Variants in SRD5A3 observed in about 807,000 individuals in gnomAD.
SRD5A3 encodes the protein polyprenal reductase.
SRD5A3 carries 24 observed loss-of-function variants against 34.3 expected under a neutral mutation model. The ratio of observed to expected loss-of-function variants is 0.70; its 90% CI spans 0.51 to 0.99. SRD5A3 has a LOEUF of 0.99. Among genes scored for constraint, SRD5A3 ranks in the 50% least tolerant of loss-of-function variants. SRD5A3 has a pLI of 0.00. For synonymous variants in SRD5A3, 161 were observed against 167.3 expected (o/e 0.96, Z 0.29); for missense variants, 350 against 388.2 (o/e 0.90, Z 0.83).
chr4:55,346,471 C>T lies in SRD5A3; in HGVS notation c.135C>T (p.Ile45=), dbSNP rs759046094. 1.9e-6 allele frequency: 3 copies of T among 1,607,248 alleles called. No homozygotes were observed. Among genetic ancestry groups the T allele is most frequent in the Non-Finnish European group, 2.5e-6 (3 of 1,177,412 alleles). ...CCGGCCTGCTCCCGGGCTGCGCGAT[C>T]TTCCAGGACCTGATCCGCTATGGGA... The part of the protein sequence containing the change: ...LPPGLLPGCA[I]FQDLIRYGKT... The change falls in exon 1 of 5, where the codon ATC becomes ATT. Residue 45 remains isoleucine, a synonymous_variant. Coordinates refer to ENST00000264228, the MANE Select transcript of SRD5A3 (RefSeq NM_024592.5).
intron 2 of SRD5A3, among the ~76,000 whole-genome samples, chr4:55,359,757 GC>G: frequency 6.6e-6 from 1 of 152,270 alleles, no homozygotes; most frequent in Non-Finnish European, 1.5e-5. Context: ...AGAACTGGCT[GC>G]CCTCCCTCTG....
intron 1 of SRD5A3, among the ~76,000 whole-genome samples, chr4:55,348,839 T>C (rs1378217717): frequency 2.0e-5 from 3 of 152,216 alleles, no homozygotes; most frequent in Admixed American, 2.0e-4. Flanking sequence ...CAAGCTCTTA[T>C]CCTCTGGTAT....
chr4:55,359,934 C>T (rs936951475), intron 2 of SRD5A3, among the ~76,000 whole-genome samples: 3 of 152,188 alleles, frequency 2.0e-5, no homozygotes, highest in African/African-American at 7.2e-5. Context: ...CTTTTTCTGT[C>T]GGGTGCGGTG....
intron 1 of SRD5A3, among the ~76,000 whole-genome samples, chr4:55,353,211 G>T (rs1299536108): frequency 6.6e-6 from 1 of 152,164 alleles, no homozygotes; most frequent in African/African-American, 2.4e-5. Flanking sequence ...GTGGAGTGGG[G>T]ACTTAGGGAA....
intron 3 of SRD5A3, chr4:55,365,754 A>G (rs1452329068): frequency 6.6e-6 from 1 of 152,208 alleles, no homozygotes; most frequent in African/African-American, 2.4e-5. Flanking sequence ...CTTGTCCTTC[A>G]AGGGTCATCT....
At position 55,356,646 on chromosome 4, in the gene SRD5A3, T is replaced by C. The variant is rs927549097; in HGVS notation, c.222-2700T>C. On this transcript the variant is annotated intron_variant, in intron 1 of 4. Transcript: ENST00000264228. ...CCAGCTAATTTTTTTATTTCTTTTC[T>C]TTTCTTTTTTAGTAGAGATGGGGCC... Among the ~76,000 whole-genome samples the C allele has an allele frequency of 1.2e-4, 18 of 152,170 alleles. No homozygotes were observed. The East Asian group carries it at 3.5e-3, about 29-fold the overall frequency.
rs147572307 is a variant in SRD5A3 at position 55,362,403 on chromosome 4, G to A, written c.365-1671G>A. On this transcript the variant is annotated intron_variant, in intron 2 of 4. Transcript: ENST00000264228. ...AGCCTCTCAAAGTGCTGGGATTACA[G>A]GCATGAGCCACCGCATCCAGCCTGT... Among the ~76,000 whole-genome samples the A allele has an allele frequency of 1.4e-3, 217 of 152,072 alleles. 2 individuals are homozygous for A. The highest frequency in any genetic ancestry group is 4.7e-3 in the African/African-American group (196 of 41,488).
In SRD5A3 at chr4:55,367,668, GCCCATCAGTATAAGTGCCATGTTATT is replaced by G. The variant is rs777551011; in HGVS notation, c.645_670del (p.His216ArgfsTer7). The G allele has an allele frequency of 7.3e-5, 118 of 1,613,962 alleles. No individual in the cohort carries two copies. The highest frequency in any genetic ancestry group is 9.7e-5 in the Non-Finnish European group (115 of 1,180,028). ...GATGATGATGTTCATCTGGTCATCT[GCCCATCAGTATAAGTGCCATGTTATT>G]CTCGGCAATCTCAGGAAAAATAAAG... On this transcript the variant is annotated frameshift_variant, in exon 4 of 5. Transcript: ENST00000264228. LOFTEE classifies it high-confidence loss of function.
intron 1 of SRD5A3, 133 bp downstream of exon 1, chr4:55,346,690 A>G (rs1311988398): frequency 4.9e-6 from 4 of 812,164 alleles, no homozygotes; most frequent in Non-Finnish European, 7.1e-6. Context: ...TCCCGGGCGC[A>G]GCACGGCGCT....
At chr4:55,352,291 G>A in intron 1 of SRD5A3, 1 of 806,464 alleles carries the variant, frequency 1.2e-6, no homozygotes, top group Non-Finnish European at 2.2e-6. Context: ...AACACGCTGG[G>A]ATCCTTCTTT....
chr4:55,360,688 G>GTTTT (rs367942216), intron 2 of SRD5A3, among the ~76,000 whole-genome samples: 1 of 133,616 alleles, frequency 7.5e-6, no homozygotes, highest in Non-Finnish European at 1.5e-5. Context: ...AATATGGAAC[G>GTTTT]TTTTTTTTTT....
chr4:55,369,510 A>G lies in SRD5A3; in HGVS notation c.698-322A>G, dbSNP rs530621289. The G allele has an allele frequency of 3.1e-3, 1,092 of 348,344 alleles. 1 individual carries two copies. Among genetic ancestry groups the G allele is most frequent in the Non-Finnish European group, 5.2e-3 (960 of 186,300 alleles). The allele number at this position is 348,344 out of a possible 1,614,324, so 21.6% of individuals were successfully genotyped here. ...TTTAGGAGGCTGAGGTGGGAGGATC[A>G]CTTGAGCCCAGCAGTTTGAGACCAA... On this transcript the variant is annotated intron_variant, in intron 4 of 4. Coordinates refer to ENST00000264228, the MANE Select transcript of SRD5A3 (RefSeq NM_024592.5).
rs200727327 is a variant in SRD5A3, at chr4:55,367,702, A to G, written c.677A>G (p.Asn226Ser). ...HQYKCHVILG[N>S]LRKNKAGVVI... Reference sequence around the variant, plus strand: ...TATAAGTGCCATGTTATTCTCGGCAATCTCAGGAAAAATAAAGCAGGTGAG... The same window carrying G: ...TATAAGTGCCATGTTATTCTCGGCAGTCTCAGGAAAAATAAAGCAGGTGAG... Residue 226 changes from asparagine (N) to serine (S), a missense_variant, in exon 4 of 5, where the codon AAT (asparagine) becomes AGT (serine). By Grantham distance (46) the Asn-to-Ser change is conservative (BLOSUM62 1). Transcript: ENST00000264228. The G allele has an allele frequency of 1.1e-5, 17 of 1,614,186 alleles. No individual in the cohort carries two copies. Among genetic ancestry groups the G allele is most frequent in the Non-Finnish European group, 1.4e-5 (17 of 1,180,024 alleles).
chr4:55,355,604 A>G (rs1463804475), intron 1 of SRD5A3, among the ~76,000 whole-genome samples: 1 of 152,336 alleles, frequency 6.6e-6, no homozygotes. Context: ...AGCAACTTAC[A>G]CAAAACCCAC....
rs989261509 is a variant in SRD5A3 at position 55,359,197 on chromosome 4, C to T, written c.222-149C>T. 2.7e-6 allele frequency: 3 copies of T among 1,092,964 alleles called. No homozygotes were observed. The African/African-American group carries it at 4.7e-5, about 17-fold the overall frequency. The allele number at this position is 1,092,964 out of a possible 1,614,324, so 67.7% of individuals were successfully genotyped here. Reference sequence around the variant, plus strand: ...AAAGGAAATTTTAAGAACCTGAACACCTATAGGATTCAGATTCTATTAAAA... The same window carrying T: ...AAAGGAAATTTTAAGAACCTGAACATCTATAGGATTCAGATTCTATTAAAA... On this transcript the variant is annotated intron_variant, in intron 1 of 4. Coordinates refer to ENST00000264228, the MANE Select transcript of SRD5A3 (RefSeq NM_024592.5).
intron 1 of SRD5A3, chr4:55,352,113 T>C: frequency 2.5e-6 from 2 of 790,628 alleles, no homozygotes; most frequent in Admixed American, 3.4e-5. Context: ...ATACAAGGAA[T>C]ACACTTGGTA....
intron 2 of SRD5A3, among the ~76,000 whole-genome samples, chr4:55,363,439 T>C (rs1476331778): frequency 6.6e-6 from 1 of 150,712 alleles, no homozygotes; most frequent in East Asian, 1.9e-4. Context: ...GTCTCAAAAA[T>C]AAAGAAGTTG....
chr4:55,366,029 C>G (rs1402096715), intron 3 of SRD5A3, among the ~76,000 whole-genome samples: 1 of 152,232 alleles, frequency 6.6e-6, no homozygotes, highest in Non-Finnish European at 1.5e-5. Context: ...GGACTGGGAT[C>G]TTGCCTGACT....
At chr4:55,364,752 C>T (rs1407432351) in intron 3 of SRD5A3, 2 of 191,924 alleles carry the variant, frequency 1.0e-5, no homozygotes, top group Non-Finnish European at 2.2e-5. Flanking sequence ...AGGGAGAGTG[C>T]TTGCATGGAG....
Sources: allele counts gnomAD v4.1 joint callset (sites outside exome capture counted in the v4.1 genomes callset), GRCh38; gene constraint gnomAD v4.1.1; transcripts MANE v1.5; gene names NCBI Gene and HGNC (gene_info 2026-07-23, HGNC 2026-07-21).